Variants in RNF144A observed in about 807,000 individuals in gnomAD.
The protein encoded by RNF144A is E3 ubiquitin-protein ligase RNF144A.
In RNF144A, 11 loss-of-function variants were observed where a neutral mutation model predicts 38.7. The ratio of observed to expected loss-of-function variants is 0.28; its 90% confidence interval spans 0.18 to 0.47. The LOEUF (loss-of-function observed/expected upper bound fraction) is 0.47, where lower values mean the gene tolerates loss of function less well. Among genes scored for constraint, RNF144A ranks in the 20% least tolerant of loss-of-function variants. RNF144A has a pLI of 0.99. For synonymous variants in RNF144A, 149 were observed against 143.9 expected (o/e 1.04, Z -0.25); for missense variants, 316 against 377.2 (o/e 0.84, Z 1.34).
chr2:6,964,737 A>G (rs1667546465), intron 2 of RNF144A, among the ~76,000 whole-genome samples: 2 of 151,630 alleles, frequency 1.3e-5, no homozygotes, highest in Non-Finnish European at 2.9e-5. Context: ...ACCAAACACC[A>G]CATATTCTCA....
intron 1 of RNF144A, among the ~76,000 whole-genome samples, chr2:6,923,795 CT>C (rs145998969): frequency 0.19 from 27,722 of 147,134 alleles, 3,875 homozygotes; most frequent in East Asian, 0.59. Flanking sequence ...TCCATAGCAA[CT>C]TTATTTTTTT....
chr2:6,945,086 A>G (rs928065882), intron 2 of RNF144A, among the ~76,000 whole-genome samples: 1 of 152,290 alleles, frequency 6.6e-6, no homozygotes, highest in Non-Finnish European at 1.5e-5. Flanking sequence ...GGCCTTGGCC[A>G]TCACTCAGCC....
At chr2:6,935,260 G>C (rs955156242) in intron 1 of RNF144A, among the ~76,000 whole-genome samples, 2 of 152,204 alleles carry the variant, frequency 1.3e-5, no homozygotes, top group Non-Finnish European at 2.9e-5. Flanking sequence ...CTAGATCCCT[G>C]ACTTTCTTCT....
At chr2:7,060,602 A>T (rs1292292365) in intron 6 of RNF144A, among the ~76,000 whole-genome samples, 1 of 152,226 alleles carries the variant, frequency 6.6e-6, no homozygotes, top group East Asian at 1.9e-4. Flanking sequence ...CCAAATTTCC[A>T]TTCCAGATTT....
At position 7,042,832 on chromosome 2, in the gene RNF144A, A is replaced by G; in HGVS notation, c.*3072A>G. 1 of 985,476 alleles carries G rather than the reference A, an allele frequency of 1.0e-6. No homozygotes were observed. The highest frequency in any genetic ancestry group is 1.2e-6 in the Non-Finnish European group (1 of 829,932). 61.0% of individuals were successfully genotyped at this position (985,476 alleles called of 1,614,324 possible). On this transcript the variant is annotated 3_prime_UTR_variant, in exon 9 of 9. Coordinates refer to ENST00000320892, the MANE Select transcript of RNF144A (RefSeq NM_014746.6). ...TCAACTCATAGGAGTAGCTGTGGAC[A>G]GAGGAACCAACATCTGCCACCTCTG... is the stretch of plus-strand genomic sequence containing the variant.
At chr2:6,988,072 GTCAAAGTGTT>G (rs1669067470) in intron 2 of RNF144A, among the ~76,000 whole-genome samples, 1 of 152,192 alleles carries the variant, frequency 6.6e-6, no homozygotes, top group South Asian at 2.1e-4. Flanking sequence ...GATTTTTCGT[GTCAAAGTGTT>G]TCGTTTAAAA....
At chr2:7,000,688 G>A (rs1019226136) in intron 3 of RNF144A, among the ~76,000 whole-genome samples, 2 of 152,040 alleles carry the variant, frequency 1.3e-5, no homozygotes, top group Non-Finnish European at 2.9e-5. Context: ...GGGAGGTGCT[G>A]TGGTCCCATC....
At chr2:6,933,694 CT>C (rs1665360539) in intron 1 of RNF144A, among the ~76,000 whole-genome samples, 4 of 141,360 alleles carry the variant, frequency 2.8e-5, no homozygotes. Context: ...AATTTTAATT[CT>C]TCTAGAAAAA....
At chr2:6,951,343 C>G (rs1251667369) in intron 2 of RNF144A, among the ~76,000 whole-genome samples, 1 of 151,924 alleles carries the variant, frequency 6.6e-6, no homozygotes, top group Non-Finnish European at 1.5e-5. Context: ...GTCAATGCAG[C>G]CTGCTCTTAA....
chr2:6,948,539 G>A lies in RNF144A; in HGVS notation c.-12+7392G>A, dbSNP rs545295180. ...AGACTGAACAAGGCTTCCTCAAGAT[G>A]AGGCAACGGGCCATTGGTGGAGTTG... On this transcript the variant is annotated intron_variant, in intron 2 of 8. Transcript: ENST00000320892. 5.9e-5 allele frequency among the ~76,000 whole-genome samples: 9 copies of A among 152,338 alleles called. No homozygotes were observed. The South Asian group carries it at 1.9e-3, about 32-fold the overall frequency.
At chr2:7,012,679 G>T (rs1337527356) in intron 3 of RNF144A, among the ~76,000 whole-genome samples, 1 of 152,220 alleles carries the variant, frequency 6.6e-6, no homozygotes, top group Non-Finnish European at 1.5e-5. Context: ...CCCTGCTGGA[G>T]GCTGGGTGTG....
intron 2 of RNF144A, among the ~76,000 whole-genome samples, chr2:6,942,398 T>C (rs553292690): frequency 7.9e-5 from 12 of 151,840 alleles, no homozygotes; most frequent in Admixed American, 3.3e-4. Context: ...AGGACAAGAG[T>C]AAAACCCAGG....
At chr2:6,982,580 C>A (rs1163055940) in intron 2 of RNF144A, among the ~76,000 whole-genome samples, 1 of 152,042 alleles carries the variant, frequency 6.6e-6, no homozygotes, top group East Asian at 1.9e-4. Context: ...ATTTTTCCTT[C>A]GGGGAAAAAA....
chr2:7,058,340 A>G (rs76061634), intron 6 of RNF144A, among the ~76,000 whole-genome samples: 925 of 83,694 alleles, frequency 0.011, 3 homozygotes, highest in African/African-American at 0.026. Context: ...GGGGAACTGA[A>G]AAAAAAAAAA....
At chr2:6,965,719 G>A (rs1023091768) in intron 2 of RNF144A, among the ~76,000 whole-genome samples, 1 of 151,992 alleles carries the variant, frequency 6.6e-6, no homozygotes, top group Non-Finnish European at 1.5e-5. Context: ...AAAAAGGCAC[G>A]AGATTTATAA....
intron 6 of RNF144A, among the ~76,000 whole-genome samples, chr2:7,056,847 G>T (rs1673760297): frequency 6.6e-6 from 1 of 152,164 alleles, no homozygotes; most frequent in South Asian, 2.1e-4. Context: ...TCATGCGCCT[G>T]CTTCCATTGC....
intron 7 of RNF144A, among the ~76,000 whole-genome samples, chr2:7,027,268 C>G (rs1671971108): frequency 6.6e-6 from 1 of 152,240 alleles, no homozygotes; most frequent in Admixed American, 6.5e-5. Flanking sequence ...CTCACTGCTT[C>G]TCAGCTATCA....
intron 2 of RNF144A, among the ~76,000 whole-genome samples, chr2:6,990,826 TG>T (rs1466139497): frequency 6.6e-6 from 1 of 152,224 alleles, no homozygotes. Flanking sequence ...AAATATTCTC[TG>T]TGCTCTGCCC....
rs1055631788 is a variant in RNF144A at position 6,962,935 on chromosome 2, C to T, written c.-12+21788C>T. 2.0e-5 allele frequency among the ~76,000 whole-genome samples: 3 copies of T among 152,130 alleles called. No homozygotes were observed. Among genetic ancestry groups the T allele is most frequent in the Non-Finnish European group, 4.4e-5 (3 of 68,040 alleles). On this transcript the variant is annotated intron_variant, in intron 2 of 8. Transcript: ENST00000320892. This position sits in a 1 kb window ranked among gnomAD's most constrained non-coding sequence, Gnocchi z 4.1. ...GATCGTTGAAGGGAGATGACAAGATCATTTTGATAATTTTAAAAGATGGAT... is the reference window on the plus strand; with the variant it reads ...GATCGTTGAAGGGAGATGACAAGATTATTTTGATAATTTTAAAAGATGGAT...
Sources: allele counts gnomAD v4.1 joint callset (sites outside exome capture counted in the v4.1 genomes callset), GRCh38; gene constraint gnomAD v4.1.1; non-coding constraint Gnocchi (gnomAD v3.1); transcripts MANE v1.5; gene names NCBI Gene and HGNC (gene_info 2026-07-23, HGNC 2026-07-21).